SNX29: variants seen among roughly 807,000 people sequenced by gnomAD.
SNX29 encodes the protein sorting nexin 29.
Under a neutral mutation model 102.1 loss-of-function variants are expected in SNX29, and 78 were observed. That is an observed-to-expected ratio of 0.76 (90% CI 0.64 to 0.92). SNX29 has a LOEUF of 0.92. SNX29 is among the 40% of genes least tolerant of loss of function. The pLI, the probability that SNX29 is intolerant of heterozygous loss-of-function variation, is 0.00. For missense variants in SNX29, 1,280 were observed against 1,061.7 expected, an observed-to-expected ratio of 1.21 and a Z score of -2.86; for synonymous variants, 580 against 414.5, an observed-to-expected ratio of 1.40 and a Z score of -4.85.
intron 20 of SNX29, among the ~76,000 whole-genome samples, chr16:12,562,168 G>A (rs928056650): frequency 6.6e-6 from 1 of 152,234 alleles, no homozygotes; most frequent in Admixed American, 6.5e-5. Context: ...GAGTAAGATT[G>A]AGGTCTGACC....
intron 4 of SNX29, among the ~76,000 whole-genome samples, chr16:12,036,014 G>C (rs1420591432): frequency 6.6e-6 from 1 of 152,142 alleles, no homozygotes; most frequent in Non-Finnish European, 1.5e-5. Flanking sequence ...TCTATCACTG[G>C]CCTATTTCCA....
intron 18 of SNX29, among the ~76,000 whole-genome samples, chr16:12,452,195 T>C (rs1446660192): frequency 2.0e-5 from 3 of 152,186 alleles, no homozygotes; most frequent in African/African-American, 7.2e-5. Flanking sequence ...TCTGAGATAA[T>C]GCCCTTCAGT....
chr16:12,345,234 G>T (rs2081758036), intron 15 of SNX29, among the ~76,000 whole-genome samples: 1 of 152,180 alleles, frequency 6.6e-6, no homozygotes, highest in South Asian at 2.1e-4. Context: ...ACCTTCTTCT[G>T]GGGGAGCCTC....
intron 20 of SNX29, among the ~76,000 whole-genome samples, chr16:12,542,094 C>G (rs1017234333): frequency 3.3e-5 from 5 of 152,240 alleles, no homozygotes; most frequent in African/African-American, 9.6e-5. Context: ...GCAATATTGT[C>G]TCTTCCCAAC....
intron 15 of SNX29, among the ~76,000 whole-genome samples, chr16:12,327,616 G>T (rs1399333963): frequency 6.6e-6 from 1 of 152,246 alleles, no homozygotes; most frequent in African/African-American, 2.4e-5. Flanking sequence ...CTGTCTGCAG[G>T]TATAGTCACA....
intron 14 of SNX29, among the ~76,000 whole-genome samples, chr16:12,228,771 G>A (rs910814152): frequency 2.0e-5 from 3 of 152,178 alleles, no homozygotes; most frequent in South Asian, 2.1e-4. Flanking sequence ...CAAAGTCACC[G>A]TCTCTTGAGT....
chr16:12,543,552 C>T (rs1249843982), intron 20 of SNX29, among the ~76,000 whole-genome samples: 5 of 152,196 alleles, frequency 3.3e-5, no homozygotes, highest in Non-Finnish European at 7.3e-5. Flanking sequence ...CTTCCACGCC[C>T]ACTGAGCCAC....
intron 20 of SNX29, among the ~76,000 whole-genome samples, chr16:12,552,231 C>T (rs563378266): frequency 6.0e-5 from 9 of 150,768 alleles, no homozygotes; most frequent in Non-Finnish European, 1.3e-4. Flanking sequence ...ACATCCAGCA[C>T]CATGCCCCAG....
At chr16:12,536,869 G>A (rs2902960) in intron 20 of SNX29, among the ~76,000 whole-genome samples, 88,227 of 151,888 alleles carry the variant, frequency 0.58, 28,017 homozygotes, top group East Asian at 0.92. Context: ...GTAGCTACTT[G>A]GGAGGCTGAG....
intron 4 of SNX29, among the ~76,000 whole-genome samples, chr16:12,037,095 G>C (rs2057496873): frequency 6.6e-6 from 1 of 152,050 alleles, no homozygotes; most frequent in African/African-American, 2.4e-5. Flanking sequence ...AGGATGATGA[G>C]AGATCCTACT....
chr16:12,393,366 CAT>C (rs2083598524), intron 16 of SNX29, among the ~76,000 whole-genome samples: 1 of 141,446 alleles, frequency 7.1e-6, no homozygotes, highest in African/African-American at 2.9e-5. Flanking sequence ...AGGGTGGAAA[CAT>C]AGCATATCTT....
At position 12,125,530 on chromosome 16, in the gene SNX29, G is replaced by A. The variant is rs554226015; in HGVS notation, c.1403-1103G>A. On this transcript the variant is annotated intron_variant, in intron 11 of 20. Transcript: ENST00000566228. ...ACAGTGGATCGGGTCGGCATCCATC[G>A]TCCTCTGTTTCTCACAGGTGGTTGC... 1.3e-4 allele frequency among the ~76,000 whole-genome samples: 19 copies of A among 150,614 alleles called. No homozygotes were observed. The South Asian group carries it at 3.6e-3, about 28-fold the overall frequency.
rs74952096 is a variant in SNX29, at chr16:12,471,278, T to C, written c.2038-6441T>C. On this transcript the variant is annotated intron_variant, in intron 18 of 20. Coordinates refer to ENST00000566228, the MANE Select transcript of SNX29 (RefSeq NM_032167.5). ...TGCATGTTTGTGTGTGTGTCTGAGA[T>C]AAATTTTACCCTGGAATGTTGACTG... Among the ~76,000 whole-genome samples, 279 of 152,340 alleles carry C rather than the reference T, an allele frequency of 1.8e-3. 8 individuals are homozygous for C. In the East Asian group the frequency reaches 0.048, roughly 26 times the overall value.
chr16:12,241,684 A>T (rs943743506), intron 14 of SNX29, among the ~76,000 whole-genome samples: 1 of 151,150 alleles, frequency 6.6e-6, no homozygotes, highest in Non-Finnish European at 1.5e-5. Context: ...CTAGTCTCAA[A>T]CTCCTGACCT....
intron 13 of SNX29, among the ~76,000 whole-genome samples, chr16:12,170,859 T>TGC (rs1293020561): frequency 6.6e-6 from 1 of 151,518 alleles, no homozygotes; most frequent in African/African-American, 2.4e-5. Context: ...GGAGTGTCTG[T>TGC]GCGCGCGCGC....
At position 12,069,126 on chromosome 16, in the gene SNX29, G is replaced by A. The variant is rs2051175662; in HGVS notation, c.1313G>A (p.Arg438Gln). 8 of 1,613,078 alleles carry A rather than the reference G, an allele frequency of 5.0e-6. No homozygotes were observed. Among genetic ancestry groups the A allele is most frequent in the South Asian group, 1.1e-5 (1 of 90,986 alleles). Reference sequence around the variant, plus strand: ...CACGTTCTCCCAGATCCTGGACTTCGGTACAGGTTAATATTGAGAAACCCA... The same window carrying A: ...CACGTTCTCCCAGATCCTGGACTTCAGTACAGGTTAATATTGAGAAACCCA... ...EDHVLPDPGL[R>Q]YSVEASSPGH... Residue 438 changes from arginine (R) to glutamine (Q), a missense_variant, in exon 10 of 21, where the codon CGG (arginine) becomes CAG (glutamine). Transcript: ENST00000566228.
At chr16:12,297,972 A>G (rs762329174) in intron 15 of SNX29, among the ~76,000 whole-genome samples, 1 of 152,186 alleles carries the variant, frequency 6.6e-6, no homozygotes, top group Non-Finnish European at 1.5e-5. Flanking sequence ...GAGTTCAAGA[A>G]CAGCCTGGCC....
intron 15 of SNX29, among the ~76,000 whole-genome samples, chr16:12,306,353 C>T (rs754575486): frequency 2.0e-5 from 3 of 151,364 alleles, no homozygotes; most frequent in South Asian, 2.1e-4. Flanking sequence ...GGTGCCTGGC[C>T]GAGGGAGGGT....
chr16:12,559,280 C>T (rs1298451147), intron 20 of SNX29, among the ~76,000 whole-genome samples: 2 of 152,078 alleles, frequency 1.3e-5, no homozygotes, highest in African/African-American at 2.4e-5. Context: ...TCAGCAGCAG[C>T]ACTGCATTCT....
Sources: allele counts gnomAD v4.1 joint callset (sites outside exome capture counted in the v4.1 genomes callset), GRCh38; gene constraint gnomAD v4.1.1; transcripts MANE v1.5; gene names NCBI Gene and HGNC (gene_info 2026-07-23, HGNC 2026-07-21).